UNC13C: variants seen among roughly 807,000 people sequenced by gnomAD.
The protein encoded by UNC13C is unc-13 homolog C.
A neutral mutation model predicts 245.4 loss-of-function variants in UNC13C; 174 were observed. The observed-to-expected ratio is 0.71, with a 90% confidence interval of 0.63 to 0.80. The LOEUF (loss-of-function observed/expected upper bound fraction) is 0.80. Ranked by LOEUF, UNC13C falls within the 30% of genes least tolerant of loss-of-function variation. The probability of loss-of-function intolerance (pLI) is 0.00; values close to 1 mark genes in which losing one functional copy is unlikely to be tolerated. For missense variants in UNC13C, 2,829 were observed against 2,602.9 expected, an observed-to-expected ratio of 1.09 and a Z score of -1.89; for synonymous variants, 992 against 895.1, an observed-to-expected ratio of 1.11 and a Z score of -1.93.
chr15:54,174,742 T>G (rs796422645), intron 4 of UNC13C, among the ~76,000 whole-genome samples: 101 of 152,336 alleles, frequency 6.6e-4, no homozygotes, highest in African/African-American at 2.3e-3. Flanking sequence ...AGTTATTTCC[T>G]CTAAAGTAAC....
chr15:54,231,415 G>T (rs1023379687), intron 4 of UNC13C, among the ~76,000 whole-genome samples: 1 of 151,936 alleles, frequency 6.6e-6, no homozygotes, highest in African/African-American at 2.4e-5. Flanking sequence ...GTGGAGCACG[G>T]TAAGTCATAA....
At chr15:54,246,554 T>C (rs1596077030) in intron 7 of UNC13C, among the ~76,000 whole-genome samples, 1 of 152,330 alleles carries the variant, frequency 6.6e-6, no homozygotes, top group Non-Finnish European at 1.5e-5. Context: ...GCCTTTGTGT[T>C]TTATAAATTA....
At position 54,143,400 on chromosome 15, in the gene UNC13C, G is replaced by A. The variant is rs140469570; in HGVS notation, c.3007-220G>A. On this transcript the variant is annotated intron_variant, in intron 3 of 32. Coordinates refer to ENST00000260323, the MANE Select transcript of UNC13C (RefSeq NM_001080534.3). ...GTACTTGGAATATGACATATTTTCC[G>A]GGACTCTGCCAGTGCATTTGTTTAA... Among the ~76,000 whole-genome samples the A allele has an allele frequency of 2.7e-3, 410 of 152,218 alleles. 1 individual carries two copies. Among genetic ancestry groups the A allele is most frequent in the Non-Finnish European group, 3.9e-3 (262 of 67,996 alleles).
rs138416011 is a variant in UNC13C, at chr15:54,291,600, G to T, written c.3819-2295G>T. Reference sequence around the variant, plus strand: ...TTATAGCTAATATGGATGAAACATTGCCTGGCACTGTGCTAACTGCTATAA... The same window carrying T: ...TTATAGCTAATATGGATGAAACATTTCCTGGCACTGTGCTAACTGCTATAA... On this transcript the variant is annotated intron_variant, in intron 10 of 32. Coordinates refer to ENST00000260323, the MANE Select transcript of UNC13C (RefSeq NM_001080534.3). Among the ~76,000 whole-genome samples, 16 of 151,948 alleles carry T rather than the reference G, an allele frequency of 1.1e-4. No homozygotes were observed. The East Asian group carries it at 3.1e-3, about 29-fold the overall frequency.
chr15:54,534,724 T>G (rs1255556262), intron 26 of UNC13C, among the ~76,000 whole-genome samples: 1 of 152,196 alleles, frequency 6.6e-6, no homozygotes, highest in Non-Finnish European at 1.5e-5. Flanking sequence ...ATAGCCATTT[T>G]AAGAAAGAAT....
chr15:53,907,888 A>G, the UNC13C span, among the ~76,000 whole-genome samples: 1 of 146,588 alleles, frequency 6.8e-6, no homozygotes, highest in Non-Finnish European at 1.5e-5. Context: ...AAACAGAGCC[A>G]TTTTGGAGAT....
At chr15:54,268,291 T>G (rs11638986) in intron 10 of UNC13C, among the ~76,000 whole-genome samples, 53,370 of 151,912 alleles carry the variant, frequency 0.35, 9,764 homozygotes, top group Middle Eastern at 0.42. Flanking sequence ...TTTTCCATCC[T>G]AGGAAATCCT....
chr15:54,623,558 A>G (rs981648992), intron 31 of UNC13C, among the ~76,000 whole-genome samples: 40 of 152,184 alleles, frequency 2.6e-4, no homozygotes, highest in African/African-American at 8.7e-4. Flanking sequence ...TTAGTAACAG[A>G]TATCATTTTA....
chr15:54,052,760 T>C (rs1434151110), intron 2 of UNC13C, among the ~76,000 whole-genome samples: 1 of 152,220 alleles, frequency 6.6e-6, no homozygotes, highest in East Asian at 1.9e-4. Flanking sequence ...ATCATTTATG[T>C]ATTTATTTAG....
intron 27 of UNC13C, among the ~76,000 whole-genome samples, chr15:54,547,856 A>G (rs16974760): frequency 0.045 from 6,827 of 152,250 alleles, 482 homozygotes; most frequent in African/African-American, 0.15. Context: ...CCATAACACC[A>G]GTTAGCACTC....
rs368526580 is a variant in UNC13C, at chr15:54,494,692, G to A, written c.5018G>A (p.Arg1673His). ...AAATGGTTTTATAATGAATATGTGC[G>A]TGAACTTCCTGCCTTCAAGGATGCT... ...KVKWFYNEYV[R>H]ELPAFKDAVP... The change falls in exon 20 of 33, where the codon CGT (arginine) becomes CAT (histidine). Residue 1673 changes from arginine (R) to histidine (H), a missense_variant. Transcript: ENST00000260323. 5.2e-5 allele frequency: 83 copies of A among 1,610,806 alleles called. No homozygotes were observed. The South Asian group carries it at 5.4e-4, about 11-fold the overall frequency.
the UNC13C span, chr15:53,948,335 C>T: frequency 2.0e-5 from 3 of 152,106 alleles, no homozygotes; most frequent in South Asian, 4.1e-4. Flanking sequence ...TAAGAAAGAG[C>T]TACCGGTGCA....
intron 4 of UNC13C, among the ~76,000 whole-genome samples, chr15:54,147,981 C>G (rs2032352892): frequency 6.6e-6 from 1 of 152,150 alleles, no homozygotes; most frequent in Non-Finnish European, 1.5e-5. Context: ...TCTCATAGCA[C>G]TAAGTTCCTT....
At chr15:54,481,653 TA>T (rs896817899) in intron 19 of UNC13C, among the ~76,000 whole-genome samples, 2 of 151,930 alleles carry the variant, frequency 1.3e-5, no homozygotes, top group Non-Finnish European at 2.9e-5. Flanking sequence ...TTGGGGGGTT[TA>T]TGGGACAAGG....
At chr15:54,001,512 C>G (rs973662066) in intron 1 of UNC13C, among the ~76,000 whole-genome samples, 3 of 152,078 alleles carry the variant, frequency 2.0e-5, no homozygotes, top group African/African-American at 7.2e-5. Flanking sequence ...CTAAATGAAC[C>G]CCAAAGAGCG....
intron 1 of UNC13C, among the ~76,000 whole-genome samples, chr15:53,979,675 G>A (rs1256592904): frequency 1.3e-5 from 2 of 152,118 alleles, no homozygotes; most frequent in Non-Finnish European, 2.9e-5. Flanking sequence ...AGACGGAGAT[G>A]ACAACACTTA....
At position 54,426,331 on chromosome 15, in the gene UNC13C, G is replaced by A. The variant is rs568830907; in HGVS notation, c.4933+11264G>A. On this transcript the variant is annotated intron_variant, in intron 19 of 32. Coordinates refer to ENST00000260323, the MANE Select transcript of UNC13C (RefSeq NM_001080534.3). ...TTCTGCTTCCATATTATCTCGTATG[G>A]TTGTTGACAGAGTTCAGTTTCTCAA... Among the ~76,000 whole-genome samples the A allele has an allele frequency of 8.8e-5, 13 of 147,216 alleles. No homozygotes were observed. In the East Asian group the frequency reaches 2.6e-3, roughly 30 times the overall value.
chr15:53,930,981 G>A, the UNC13C span, among the ~76,000 whole-genome samples: 1 of 152,048 alleles, frequency 6.6e-6, no homozygotes, highest in African/African-American at 2.4e-5. Context: ...GTCAAAATGA[G>A]CTTTTGCTAA....
At chr15:53,905,279 A>G in the UNC13C span, among the ~76,000 whole-genome samples, 8,558 of 152,112 alleles carry the variant, frequency 0.056, 851 homozygotes, top group African/African-American at 0.2. Context: ...GTTATTCACA[A>G]TAGCCAAGAT....
Sources: allele counts gnomAD v4.1 joint callset (sites outside exome capture counted in the v4.1 genomes callset), GRCh38; gene constraint gnomAD v4.1.1; transcripts MANE v1.5; gene names NCBI Gene and HGNC (gene_info 2026-07-23, HGNC 2026-07-21).